Variants in CBR4 observed in about 807,000 individuals in gnomAD.
The protein encoded by CBR4 is carbonyl reductase 4, also known as 3-oxoacyl-[acyl-carrier-protein] reductase.
In CBR4, 22 loss-of-function variants were observed where a neutral mutation model predicts 21.0. The observed-to-expected ratio is 1.05, with a 90% CI of 0.75 to 1.50. The LOEUF (loss-of-function observed/expected upper bound fraction) is 1.50. Ranked by LOEUF, CBR4 falls within the 40% of genes most tolerant of loss-of-function variation. CBR4 has a pLI of 0.00. For missense variants in CBR4, 302 were observed against 286.3 expected (o/e 1.05, Z -0.40); for synonymous variants, 100 against 104.4 (o/e 0.96, Z 0.26).
At chr4:168,928,706 T>C (rs1762850936) in intron 2 of CBR4, among the ~76,000 whole-genome samples, 1 of 152,178 alleles carries the variant, frequency 6.6e-6, no homozygotes, top group Non-Finnish European at 1.5e-5. Flanking sequence ...GACGTCTCCT[T>C]TAGTCCCTCA....
intron 2 of CBR4, among the ~76,000 whole-genome samples, chr4:168,940,901 A>G (rs188749149): frequency 4.6e-5 from 7 of 152,308 alleles, no homozygotes; most frequent in Admixed American, 1.3e-4. Flanking sequence ...AACCAGAAAT[A>G]CCATTTGGCC....
At chr4:168,974,389 G>A (rs1056492363) in intron 2 of CBR4, among the ~76,000 whole-genome samples, 1 of 152,190 alleles carries the variant, frequency 6.6e-6, no homozygotes, top group Non-Finnish European at 1.5e-5. Context: ...ATGTGCCTAG[G>A]TGATGATGTT....
intron 2 of CBR4, among the ~76,000 whole-genome samples, chr4:168,933,294 A>C (rs922083197): frequency 6.6e-6 from 1 of 152,182 alleles, no homozygotes; most frequent in Non-Finnish European, 1.5e-5. Flanking sequence ...AAGACACACA[A>C]AGACTGAAAG....
At chr4:168,936,620 G>A (rs1468853855) in intron 2 of CBR4, among the ~76,000 whole-genome samples, 7 of 152,198 alleles carry the variant, frequency 4.6e-5, no homozygotes, top group Middle Eastern at 3.4e-3. Flanking sequence ...AACACAGCAC[G>A]AGAACTTCGT....
chr4:168,944,766 C>T (rs1225462042), intron 2 of CBR4, among the ~76,000 whole-genome samples: 2 of 152,118 alleles, frequency 1.3e-5, no homozygotes, highest in African/African-American at 2.4e-5. Flanking sequence ...GCCAACATGC[C>T]TCTAAAGTGC....
chr4:168,941,844 T>C (rs1265241069), intron 2 of CBR4, among the ~76,000 whole-genome samples: 1 of 152,180 alleles, frequency 6.6e-6, no homozygotes, highest in Non-Finnish European at 1.5e-5. Flanking sequence ...ATATAGTTAG[T>C]TGGCCACATA....
At chr4:168,944,856 C>G (rs1763360924) in intron 2 of CBR4, among the ~76,000 whole-genome samples, 1 of 151,990 alleles carries the variant, frequency 6.6e-6, no homozygotes, top group Non-Finnish European at 1.5e-5. Flanking sequence ...ATAAATACAG[C>G]CTGTCAAGCA....
chr4:168,980,912 T>C (rs1396085559), intron 2 of CBR4, among the ~76,000 whole-genome samples: 1 of 152,110 alleles, frequency 6.6e-6, no homozygotes, highest in East Asian at 1.9e-4. Context: ...TCTCCTTATT[T>C]ACAAATGACC....
At chr4:168,921,697 A>T in intron 2 of CBR4, 1 of 1,611,672 alleles carries the variant, frequency 6.2e-7, no homozygotes, top group Non-Finnish European at 8.5e-7. Context: ...ATAGCTACCA[A>T]CCGAGCAGGA....
chr4:168,958,546 T>C (rs1209471534), intron 2 of CBR4, among the ~76,000 whole-genome samples: 2 of 152,256 alleles, frequency 1.3e-5, no homozygotes, highest in Non-Finnish European at 2.9e-5. Context: ...AATCTTTGTG[T>C]GAACACGTAT....
intron 2 of CBR4, among the ~76,000 whole-genome samples, chr4:168,923,768 G>A (rs1762037063): frequency 6.6e-6 from 1 of 152,088 alleles, no homozygotes; most frequent in Admixed American, 6.5e-5. Context: ...TAAATTCTAT[G>A]GCATGTCTCA....
intron 2 of CBR4, among the ~76,000 whole-genome samples, chr4:168,976,695 C>G (rs112750524): frequency 6.6e-6 from 1 of 151,958 alleles, no homozygotes; most frequent in East Asian, 1.9e-4. Flanking sequence ...GTGTATCATA[C>G]GAAGTACATT....
At chr4:168,995,564 G>T (rs1323705951) in intron 4 of CBR4, among the ~76,000 whole-genome samples, 1 of 151,872 alleles carries the variant, frequency 6.6e-6, no homozygotes, top group Non-Finnish European at 1.5e-5. Context: ...TTACTTTCTA[G>T]TCTGTGCTCT....
intron 2 of CBR4, among the ~76,000 whole-genome samples, chr4:168,960,672 C>A (rs1274024388): frequency 6.6e-6 from 1 of 152,164 alleles, no homozygotes; most frequent in Non-Finnish European, 1.5e-5. Flanking sequence ...CTACATGAAA[C>A]TACTCTTGAA....
intron 2 of CBR4, among the ~76,000 whole-genome samples, chr4:168,955,468 G>GCATACTA (rs1763658341): frequency 6.6e-6 from 1 of 152,154 alleles, no homozygotes; most frequent in Non-Finnish European, 1.5e-5. Context: ...TAACAGTATT[G>GCATACTA]CTGGAGCTAT....
chr4:168,978,699 G>C (rs910965540), intron 2 of CBR4, among the ~76,000 whole-genome samples: 1 of 152,192 alleles, frequency 6.6e-6, no homozygotes, highest in Non-Finnish European at 1.5e-5. Flanking sequence ...AAGGGTCTTG[G>C]AACCGTGAGC....
rs146452335 is a variant in CBR4, at chr4:169,007,397, A to C, written c.263+239T>G. On this transcript the variant is annotated intron_variant, in intron 2 of 4. Coordinates refer to ENST00000306193, the MANE Select transcript of CBR4 (RefSeq NM_032783.5). ...AAGACACTACCTTCTGGAGCACTGGAAACATTCTACGGCTCAATATGGGTG... is the reference window on the plus strand; with the variant it reads ...AAGACACTACCTTCTGGAGCACTGGCAACATTCTACGGCTCAATATGGGTG... 2.1e-4 allele frequency among the ~76,000 whole-genome samples: 32 copies of C among 152,316 alleles called. No individual in the cohort carries two copies. The East Asian group carries it at 4.6e-3, about 22-fold the overall frequency.
At chr4:168,919,193 A>G (rs539722839) in intron 2 of CBR4, among the ~76,000 whole-genome samples, 4 of 152,302 alleles carry the variant, frequency 2.6e-5, no homozygotes, top group African/African-American at 7.2e-5. Context: ...TAAACTGCCT[A>G]TTGATTTCAC....
chr4:168,966,655 A>C (rs192868289), intron 2 of CBR4, among the ~76,000 whole-genome samples: 24 of 152,350 alleles, frequency 1.6e-4, no homozygotes, highest in Non-Finnish European at 2.5e-4. Flanking sequence ...GTGGCGACTC[A>C]AGGATCTAGA....
Sources: allele counts gnomAD v4.1 joint callset (sites outside exome capture counted in the v4.1 genomes callset), GRCh38; gene constraint gnomAD v4.1.1; transcripts MANE v1.5; gene names NCBI Gene and HGNC (gene_info 2026-07-23, HGNC 2026-07-21).